The following ADGRA1 variants were observed in gnomAD, a reference collection of about 807,000 sequenced individuals.
ADGRA1 encodes the protein G-protein coupled receptor 123.
ADGRA1 carries 12 observed loss-of-function variants against 21.3 expected under a neutral mutation model. The ratio of observed to expected loss-of-function variants is 0.56; its 90% CI spans 0.36 to 0.91. The LOEUF (loss-of-function observed/expected upper bound fraction) is 0.91. Ranked by LOEUF, ADGRA1 falls within the 40% of genes least tolerant of loss-of-function variation. The pLI is 0.01. For synonymous variants in ADGRA1, 385 were observed against 368.8 expected, an observed-to-expected ratio of 1.04 and a Z score of -0.50; for missense variants, 790 against 805.6, an observed-to-expected ratio of 0.98 and a Z score of 0.23.
intron 5 of ADGRA1, among the ~76,000 whole-genome samples, chr10:133,121,444 CGTGTGCGT>C (rs1436340901): frequency 4.2e-5 from 6 of 142,422 alleles, no homozygotes; most frequent in African/African-American, 1.3e-4. Context: ...TGCGTGTGTG[CGTGTGCGT>C]GGAGTGTGTC....
intron 5 of ADGRA1, among the ~76,000 whole-genome samples, chr10:133,104,890 G>A (rs1689206420): frequency 6.6e-6 from 1 of 152,142 alleles, no homozygotes; most frequent in African/African-American, 2.4e-5. Flanking sequence ...TGGGAGACTG[G>A]GCTGCACCTC....
intron 2 of ADGRA1, chr10:133,095,652 G>C (rs1172380143): frequency 6.3e-7 from 1 of 1,593,886 alleles, no homozygotes; most frequent in South Asian, 1.1e-5. Context: ...GCTCCCCAGA[G>C]CACCCTCTGT....
At position 133,128,795 on chromosome 10, in the gene ADGRA1, C is replaced by T. The variant is rs1161054167; in HGVS notation, c.967C>T (p.Pro323Ser). 1 of 1,609,120 alleles carries T rather than the reference C, an allele frequency of 6.2e-7. No individual in the cohort carries two copies. Among genetic ancestry groups the T allele is most frequent in the Non-Finnish European group, 8.5e-7 (1 of 1,178,402 alleles). The change falls in exon 7 of 7, where the codon CCC becomes TCC. Residue 323 changes from proline to serine, a missense_variant. Physicochemically the swap from Pro to Ser is moderately conservative, Grantham distance 74 (BLOSUM62 -1). Coordinates refer to ENST00000392607, the MANE Select transcript of ADGRA1 (RefSeq NM_001083909.3). Reference protein sequence around the residue: ...VWQCWWACCPPRKDAHPALDA... With the variant: ...VWQCWWACCPSRKDAHPALDA... ...GCAGTGCTGGTGGGCATGCTGCCCG[C>T]CCCGCAAGGACGCCCACCCCGCACT...
intron 5 of ADGRA1, among the ~76,000 whole-genome samples, chr10:133,124,139 G>A (rs1852329522): frequency 6.6e-6 from 1 of 151,760 alleles, no homozygotes; most frequent in African/African-American, 2.4e-5. Flanking sequence ...ACCCTCCCCG[G>A]CCAGCCCACC....
chr10:133,105,037 G>T (rs1851867329), intron 5 of ADGRA1, among the ~76,000 whole-genome samples: 1 of 152,198 alleles, frequency 6.6e-6, no homozygotes, highest in Non-Finnish European at 1.5e-5. Flanking sequence ...CATCAGAGAA[G>T]CCCCTCCCAG....
At chr10:133,098,133 G>A (rs1336595747) in intron 3 of ADGRA1, among the ~76,000 whole-genome samples, 4 of 152,182 alleles carry the variant, frequency 2.6e-5, no homozygotes, top group African/African-American at 4.8e-5. Flanking sequence ...TGGGCGGGTC[G>A]GGCCCCAGAC....
rs151103256 is a variant in ADGRA1 at position 133,102,631 on chromosome 10, C to T, written c.256-66C>T. The T allele has an allele frequency of 7.9e-4, 1,208 of 1,538,574 alleles. 14 individuals carry two copies. In the South Asian group the frequency reaches 9.8e-3, roughly 12 times the overall value. ...CATTCTTGAAGTTGCAAGCCCGGGC[C>T]GAGGCTGCTGGGCTCTGGGGGGTGG... On this transcript the variant is annotated intron_variant, in intron 4 of 6. Transcript: ENST00000392607.
chr10:133,088,955 C>T, intron 2 of ADGRA1, 43 bp downstream of exon 2: 1 of 1,237,780 alleles, frequency 8.1e-7, no homozygotes, highest in Non-Finnish European at 1.0e-6. Context: ...GGGGGCTAGG[C>T]CGCTGCGGGG....
At chr10:133,116,634 G>T (rs376442371) in intron 5 of ADGRA1, among the ~76,000 whole-genome samples, 4 of 152,070 alleles carry the variant, frequency 2.6e-5, no homozygotes, top group African/African-American at 9.6e-5. Context: ...ATGAAGAGAC[G>T]CAGACACTCA....
Position 133,121,587 on chromosome 10 carries a change from T to G in ADGRA1, c.402-5646T>G, listed in dbSNP as rs183087153. Among the ~76,000 whole-genome samples the G allele has an allele frequency of 7.6e-3, 1,071 of 140,448 alleles. 5 individuals carry two copies. Among genetic ancestry groups the G allele is most frequent in the Admixed American group, 0.015 (212 of 13,844 alleles). 92.1% of individuals were successfully genotyped at this position (140,448 alleles called of 152,430 possible). A position where few individuals can be genotyped will look rare whatever the true frequency, so the allele number is the denominator to read the frequency against. On this transcript the variant is annotated intron_variant, in intron 5 of 6. Coordinates refer to ENST00000392607, the MANE Select transcript of ADGRA1 (RefSeq NM_001083909.3). ...GTTTGTGTGCATGCCTGTGCATGTGTGTGCCTGTGCGTTTGTGCATGTGAG... is the reference window on the plus strand; with the variant it reads ...GTTTGTGTGCATGCCTGTGCATGTGGGTGCCTGTGCGTTTGTGCATGTGAG...
chr10:133,107,635 A>G (rs146334976), intron 5 of ADGRA1, among the ~76,000 whole-genome samples: 2 of 152,260 alleles, frequency 1.3e-5, no homozygotes, highest in East Asian at 3.9e-4. Context: ...GTTCACAGCT[A>G]TGAATTTTCC....
intron 5 of ADGRA1, among the ~76,000 whole-genome samples, chr10:133,114,899 G>T (rs1197518120): frequency 6.6e-6 from 1 of 152,172 alleles, no homozygotes; most frequent in African/African-American, 2.4e-5. Context: ...CGGTTTCCTT[G>T]GCTCCTTCTG....
At position 133,112,035 on chromosome 10, in the gene ADGRA1, G is replaced by GACCA. The variant is rs1564849840; in HGVS notation, c.401+9193_401+9194insACCA. Among the ~76,000 whole-genome samples, 3 of 20,964 alleles carry GACCA rather than the reference G, an allele frequency of 1.4e-4. 1 individual carries two copies. The highest frequency in any genetic ancestry group is 9.4e-4 in the African/African-American group (3 of 3,184). The allele number at this position is 20,964 out of a possible 152,430, so 13.8% of individuals were successfully genotyped here. A position where few individuals can be genotyped will look rare whatever the true frequency, so the allele number is the denominator to read the frequency against. The stretch of plus-strand genomic sequence containing the variant: ...CCACCACAGACACCTCCCTCCTAAT[G>GACCA]CCTCCAGACCACCTGCCTGCCATGG... On this transcript the variant is annotated intron_variant, in intron 5 of 6. Coordinates refer to ENST00000392607, the MANE Select transcript of ADGRA1 (RefSeq NM_001083909.3).
At chr10:133,124,924 C>T (rs1389233342) in intron 5 of ADGRA1, among the ~76,000 whole-genome samples, 2 of 152,340 alleles carry the variant, frequency 1.3e-5, no homozygotes, top group African/African-American at 4.8e-5. Context: ...CCTCCCGCGC[C>T]CTCTGCCGGC....
chr10:133,129,223 GAC>G lies in ADGRA1; in HGVS notation c.1402_1403del (p.Thr468AlafsTer20). The part of the protein sequence containing the change: ...PPSSLDGPAG[T>X]HTLACCTQGD... ...CCAGCTCTCTGGATGGCCCGGCGGGGACACACACGCTGGCCTGCTGCACCCAG... is the reference window on the plus strand; with the variant it reads ...CCAGCTCTCTGGATGGCCCGGCGGGGACACACGCTGGCCTGCTGCACCCAG... On this transcript the variant is annotated frameshift_variant, in exon 7 of 7. Transcript: ENST00000392607. LOFTEE classifies it low-confidence loss of function (END_TRUNC). 1 of 1,549,842 alleles carries G rather than the reference GAC, an allele frequency of 6.5e-7. No homozygotes were observed. The highest frequency in any genetic ancestry group is 8.7e-7 in the Non-Finnish European group (1 of 1,146,930).
intron 2 of ADGRA1, among the ~76,000 whole-genome samples, chr10:133,093,646 C>T (rs771061878): frequency 2.0e-5 from 3 of 152,204 alleles, no homozygotes; most frequent in Non-Finnish European, 4.4e-5. Flanking sequence ...CCAAGAAGGT[C>T]GGGGCCACCT....
chr10:133,118,215 C>T (rs1852192471), intron 5 of ADGRA1, among the ~76,000 whole-genome samples: 1 of 152,210 alleles, frequency 6.6e-6, no homozygotes, highest in South Asian at 2.1e-4. Flanking sequence ...CCCTTGAGGA[C>T]CAGCGGATGT....
At chr10:133,109,225 C>G (rs1851945145) in intron 5 of ADGRA1, among the ~76,000 whole-genome samples, 1 of 152,088 alleles carries the variant, frequency 6.6e-6, no homozygotes, top group African/African-American at 2.4e-5. Flanking sequence ...CAGATCAGGC[C>G]ACACCTCCAG....
At chr10:133,092,751 G>GAGGAAGGAAGGA (rs1298330693) in intron 2 of ADGRA1, among the ~76,000 whole-genome samples, 3 of 77,636 alleles carry the variant, frequency 3.9e-5, no homozygotes, top group African/African-American at 1.9e-4. Flanking sequence ...AATAGGGAGG[G>GAGGAAGGAAGGA]AGGAAGGAAG....
Sources: gnomAD v4.1 joint callset for allele counts (sites outside exome capture counted in the v4.1 genomes callset) on GRCh38, gnomAD v4.1.1 for gene constraint, MANE v1.5 for transcripts, NCBI Gene and HGNC (gene_info 2026-07-23, HGNC 2026-07-21) for gene names.